Variants in FSTL5 observed in about 807,000 individuals in gnomAD.
FSTL5 encodes follistatin like 5, also known as follistatin-related protein 5.
FSTL5 carries 62 observed loss-of-function variants against 89.1 expected under a neutral mutation model. The ratio of observed to expected loss-of-function variants is 0.70; its 90% CI spans 0.57 to 0.86. The LOEUF (loss-of-function observed/expected upper bound fraction) is 0.86. Among genes scored for constraint, FSTL5 ranks in the 40% least tolerant of loss-of-function variants. The probability of loss-of-function intolerance (pLI) is 0.00; values close to 1 mark genes in which losing one functional copy is unlikely to be tolerated. For missense variants in FSTL5, 1,057 were observed against 1,001.6 expected, an observed-to-expected ratio of 1.06 and a Z score of -0.75; for synonymous variants, 383 against 346.2, an observed-to-expected ratio of 1.11 and a Z score of -1.18.
chr4:161,559,030 G>A (rs371832463), intron 8 of FSTL5, among the ~76,000 whole-genome samples: 9 of 151,760 alleles, frequency 5.9e-5, no homozygotes, highest in African/African-American at 2.2e-4. Context: ...TCATACTGCC[G>A]ACAAAGTTAT....
At chr4:161,786,724 TATG>T (rs1741918986) in intron 4 of FSTL5, among the ~76,000 whole-genome samples, 2 of 152,116 alleles carry the variant, frequency 1.3e-5, no homozygotes, top group South Asian at 4.1e-4. Context: ...TTCTCTACTA[TATG>T]ATGATTCTTT....
intron 15 of FSTL5, among the ~76,000 whole-genome samples, chr4:161,417,400 T>G (rs906933723): frequency 6.6e-6 from 1 of 152,364 alleles, no homozygotes; most frequent in South Asian, 2.1e-4. Context: ...TCATTCTAAT[T>G]TGCAGTAATG....
At position 161,650,479 on chromosome 4, in the gene FSTL5, G is replaced by A. The variant is rs180672653; in HGVS notation, c.894+5849C>T. ...ACCTGGGAGTTCTGTGTTTTGTCTA[G>A]CAACCCTACCTGTAGAGTGGTTGAG... On this transcript the variant is annotated intron_variant, in intron 7 of 15. Transcript: ENST00000306100. Among the ~76,000 whole-genome samples, 330 of 152,202 alleles carry A rather than the reference G, an allele frequency of 2.2e-3. 1 individual carries two copies. Among genetic ancestry groups the A allele is most frequent in the South Asian group, 6.8e-3 (33 of 4,822 alleles).
In FSTL5 at chr4:162,095,922, T is replaced by C. The variant is rs75553831; in HGVS notation, c.126+15349A>G. ...GTACATTAGAAAAATATATCTTTAATGTGTGAAATCTTTATCTACCCTTTG... is the reference window on the plus strand; with the variant it reads ...GTACATTAGAAAAATATATCTTTAACGTGTGAAATCTTTATCTACCCTTTG... On this transcript the variant is annotated intron_variant, in intron 2 of 15. Transcript: ENST00000306100. 2.8e-3 allele frequency among the ~76,000 whole-genome samples: 420 copies of C among 152,074 alleles called. 3 individuals carry two copies. Among genetic ancestry groups the C allele is most frequent in the African/African-American group, 9.5e-3 (396 of 41,554 alleles).
chr4:162,141,404 C>G lies in FSTL5; in HGVS notation c.-17+22211G>C, dbSNP rs535286981. Reference sequence around the variant, plus strand: ...TGCTGGGATTACAGGCGTGAGCCACCGCGCCCGGCCTCCCTTCTCTCTTTT... The same window carrying G: ...TGCTGGGATTACAGGCGTGAGCCACGGCGCCCGGCCTCCCTTCTCTCTTTT... On this transcript the variant is annotated intron_variant, in intron 1 of 15. Transcript: ENST00000306100. 4.5e-5 allele frequency among the ~76,000 whole-genome samples: 4 copies of G among 88,720 alleles called. 1 individual carries two copies. The highest frequency in any genetic ancestry group is 8.0e-5 in the Non-Finnish European group (3 of 37,574). The allele number at this position is 88,720 out of a possible 152,430, so 58.2% of individuals were successfully genotyped here.
chr4:161,575,894 T>A (rs1289008397), intron 8 of FSTL5, among the ~76,000 whole-genome samples: 5 of 152,184 alleles, frequency 3.3e-5, no homozygotes, highest in African/African-American at 1.2e-4. Context: ...TGTTTGGAGA[T>A]GACATGATTG....
At chr4:161,752,799 C>T (rs1342370235) in intron 6 of FSTL5, among the ~76,000 whole-genome samples, 3 of 152,058 alleles carry the variant, frequency 2.0e-5, no homozygotes, top group African/African-American at 2.4e-5. Context: ...CCTAAAATAA[C>T]GTTAAGGTTT....
At chr4:161,607,120 A>G (rs1734474919) in intron 7 of FSTL5, among the ~76,000 whole-genome samples, 2 of 152,310 alleles carry the variant, frequency 1.3e-5, no homozygotes, top group South Asian at 4.1e-4. Context: ...CTAACCCACA[A>G]GTTATTAGTA....
intron 8 of FSTL5, among the ~76,000 whole-genome samples, chr4:161,553,589 A>G (rs1732286774): frequency 6.6e-6 from 1 of 151,328 alleles, no homozygotes; most frequent in African/African-American, 2.4e-5. Context: ...AAACTAGCCA[A>G]GTGGAGCATT....
chr4:161,967,548 T>C (rs1735363405), intron 3 of FSTL5, among the ~76,000 whole-genome samples: 1 of 151,940 alleles, frequency 6.6e-6, no homozygotes, highest in African/African-American at 2.4e-5. Context: ...AAATATTCAA[T>C]AATATGAAAT....
chr4:161,959,770 G>T (rs1359182936), intron 3 of FSTL5, among the ~76,000 whole-genome samples: 3 of 151,980 alleles, frequency 2.0e-5, no homozygotes, highest in African/African-American at 7.3e-5. Context: ...GTGAGAATTG[G>T]ACATCTGAGA....
intron 4 of FSTL5, among the ~76,000 whole-genome samples, chr4:161,843,478 C>T (rs1002881706): frequency 1.3e-5 from 2 of 151,996 alleles, no homozygotes; most frequent in African/African-American, 4.8e-5. Context: ...CCTTCATATC[C>T]CTTGTAAGTT....
At chr4:161,999,386 T>C (rs911135481) in intron 3 of FSTL5, among the ~76,000 whole-genome samples, 2 of 152,154 alleles carry the variant, frequency 1.3e-5, no homozygotes, top group African/African-American at 4.8e-5. Context: ...AATTTGTAAA[T>C]TGTAATTTGT....
chr4:161,495,934 G>C (rs2126477331), intron 12 of FSTL5, among the ~76,000 whole-genome samples: 1 of 151,990 alleles, frequency 6.6e-6, no homozygotes, highest in East Asian at 1.9e-4. Flanking sequence ...ATTTACACAG[G>C]AACTTTTCAC....
chr4:162,059,725 T>C (rs945552699), intron 2 of FSTL5, among the ~76,000 whole-genome samples: 3 of 152,030 alleles, frequency 2.0e-5, no homozygotes, highest in Non-Finnish European at 4.4e-5. Context: ...CTCATACAAA[T>C]GAGAAAGAGT....
Position 161,920,669 on chromosome 4 carries a change from A to AT in FSTL5, c.161-18_161-17insA. The AT allele has an allele frequency of 6.3e-7, 1 of 1,596,388 alleles. No homozygotes were observed. Reference sequence around the variant, plus strand: ...TCATAAATCCTGAAGAATTAAAAAAAAATTGAAAATCGTTTGGTTCATTTG... The same window carrying AT: ...TCATAAATCCTGAAGAATTAAAAAAATAATTGAAAATCGTTTGGTTCATTTG... On this transcript the variant is annotated splice_polypyrimidine_tract_variant and intron_variant, in intron 3 of 15. Coordinates refer to ENST00000306100, the MANE Select transcript of FSTL5 (RefSeq NM_020116.5).
At chr4:161,595,405 C>T (rs1733978750) in intron 7 of FSTL5, among the ~76,000 whole-genome samples, 1 of 151,944 alleles carries the variant, frequency 6.6e-6, no homozygotes, top group Admixed American at 6.6e-5. Context: ...GAGATTCAAT[C>T]TTTATGAGCC....
At chr4:161,444,034 A>C (rs1732863984) in intron 15 of FSTL5, among the ~76,000 whole-genome samples, 2 of 152,004 alleles carry the variant, frequency 1.3e-5, no homozygotes. Flanking sequence ...ATAAGACAAA[A>C]ATCTGAGTTT....
rs376651172 is a variant in FSTL5, at chr4:161,978,930, G to A, written c.160+54695C>T. Among the ~76,000 whole-genome samples the A allele has an allele frequency of 2.6e-5, 4 of 152,034 alleles. No individual in the cohort carries two copies. The East Asian group carries it at 5.8e-4, about 22-fold the overall frequency. ...TAAGTTTTATCACTTAGTTTAAACC[G>A]TAACTACAAGATTTATTCATGGAAT... On this transcript the variant is annotated intron_variant, in intron 3 of 15. Transcript: ENST00000306100.
Sources: allele counts gnomAD v4.1 joint callset (sites outside exome capture counted in the v4.1 genomes callset), GRCh38; gene constraint gnomAD v4.1.1; transcripts MANE v1.5; gene names NCBI Gene and HGNC (gene_info 2026-07-23, HGNC 2026-07-21).